The following SOS1 variants were observed in gnomAD, a reference collection of about 807,000 sequenced individuals.
The protein encoded by SOS1 is SOS Ras/Rac guanine nucleotide exchange factor 1.
Under a neutral mutation model 157.6 loss-of-function variants are expected in SOS1, and 25 were observed. That is an observed-to-expected ratio of 0.16 (90% CI 0.12 to 0.22). SOS1 has a LOEUF of 0.22. SOS1 is among the 10% of genes least tolerant of loss of function. The pLI is 1.00. For missense variants in SOS1, 1,237 were observed against 1,599.1 expected (o/e 0.77, Z 3.86); for synonymous variants, 528 against 534.0 (o/e 0.99, Z 0.16).
At chr2:39,062,364 G>C (rs1044334056) in intron 2 of SOS1, among the ~76,000 whole-genome samples, 2 of 149,560 alleles carry the variant, frequency 1.3e-5, no homozygotes, top group Non-Finnish European at 3.0e-5. Context: ...GTTGCAGTGA[G>C]CTGAGATCAC....
intron 13 of SOS1, among the ~76,000 whole-genome samples, chr2:39,013,005 A>G (rs1423455178): frequency 6.6e-6 from 1 of 152,164 alleles, no homozygotes; most frequent in African/African-American, 2.4e-5. Context: ...TATTGATAAG[A>G]AAACTGAAGT....
intron 6 of SOS1, 121 bp downstream of exon 6, chr2:39,051,023 A>C (rs1390394345): frequency 1.1e-6 from 1 of 906,440 alleles, no homozygotes; most frequent in Non-Finnish European, 1.8e-6. Flanking sequence ...AAGGAGCAAT[A>C]ACAGATAAAT....
intron 17 of SOS1, among the ~76,000 whole-genome samples, chr2:39,002,224 G>A (rs1669126103): frequency 2.9e-5 from 2 of 68,818 alleles, no homozygotes; most frequent in Middle Eastern, 6.0e-3. Context: ...TACTTGGGAG[G>A]CTGAGGCAGG....
chr2:39,054,099 T>C (rs971529440), intron 5 of SOS1, among the ~76,000 whole-genome samples: 1 of 152,118 alleles, frequency 6.6e-6, no homozygotes, highest in Admixed American at 6.5e-5. Context: ...GGCTAATTTT[T>C]TGTATTTTTA....
chr2:38,988,093 G>A lies in SOS1; in HGVS notation c.3392-502C>T, dbSNP rs143230565. 3.2e-4 allele frequency among the ~76,000 whole-genome samples: 48 copies of A among 152,250 alleles called. 1 individual carries two copies. In the East Asian group the frequency reaches 9.3e-3, roughly 29 times the overall value. ...AGCATTTCTCTCAAAGGATGCAAGG[G>A]AAAGAATCATAGTGTCTAGGTGAGG... On this transcript the variant is annotated intron_variant, in intron 21 of 22. Coordinates refer to ENST00000402219, the MANE Select transcript of SOS1 (RefSeq NM_005633.4).
At chr2:39,030,634 G>T (rs1161326156) in intron 8 of SOS1, among the ~76,000 whole-genome samples, 2 of 152,114 alleles carry the variant, frequency 1.3e-5, no homozygotes, top group Non-Finnish European at 2.9e-5. Flanking sequence ...CAGTGTATAT[G>T]CTGGAGAATC....
chr2:39,073,114 G>C (rs910182274), intron 1 of SOS1, among the ~76,000 whole-genome samples: 2 of 152,082 alleles, frequency 1.3e-5, no homozygotes, highest in African/African-American at 4.8e-5. Context: ...CATCATAAAT[G>C]GTACTCAGAG....
At position 39,012,491 on chromosome 2, in the gene SOS1, G is replaced by A. The variant is rs555173505; in HGVS notation, c.2168-143C>T. On this transcript the variant is annotated intron_variant, in intron 13 of 22. Transcript: ENST00000402219. ...CAAATGATCAAAATGAAAAATGCAA[G>A]TTCTCCTTTTCCATTTCCCGGTCCC... The A allele has an allele frequency of 4.0e-5, 14 of 350,390 alleles. No homozygotes were observed. The East Asian group carries it at 4.2e-4, about 10-fold the overall frequency. 21.7% of individuals were successfully genotyped at this position (350,390 alleles called of 1,614,324 possible).
chr2:39,087,374 T>C (rs1672417703), intron 1 of SOS1, among the ~76,000 whole-genome samples: 1 of 152,238 alleles, frequency 6.6e-6, no homozygotes, highest in Non-Finnish European at 1.5e-5. Flanking sequence ...ATAACAGCCA[T>C]GTTTACATAA....
At chr2:39,078,545 G>A (rs1163746717) in intron 1 of SOS1, among the ~76,000 whole-genome samples, 1 of 151,930 alleles carries the variant, frequency 6.6e-6, no homozygotes, top group Non-Finnish European at 1.5e-5. Flanking sequence ...GCCTACCGGG[G>A]AGCATTACCA....
intron 6 of SOS1, among the ~76,000 whole-genome samples, chr2:39,045,273 A>AGTGT (rs60673777): frequency 0.033 from 3,587 of 108,050 alleles, 109 homozygotes; most frequent in African/African-American, 0.076. Context: ...AGAGAGAGAG[A>AGTGT]GTGTGTGTGT....
At position 39,039,085 on chromosome 2, in the gene SOS1, AGAG is replaced by A. The variant is rs1670463622; in HGVS notation, c.865-3588_865-3586del. Among the ~76,000 whole-genome samples the A allele has an allele frequency of 4.6e-5, 7 of 152,316 alleles. No homozygotes were observed. In the South Asian group the frequency reaches 1.4e-3, roughly 32 times the overall value. On this transcript the variant is annotated intron_variant, in intron 6 of 22. Coordinates refer to ENST00000402219, the MANE Select transcript of SOS1 (RefSeq NM_005633.4). ...AAAGATTATGACTCACTGAAGGCTG[AGAG>A]GATTATTAGCATTTTCTTAGCTGTA...
intron 19 of SOS1, 72 bp from the exon 20 acceptor site, chr2:38,995,459 T>C (rs1404943747): frequency 4.1e-6 from 5 of 1,231,844 alleles, no homozygotes; most frequent in Non-Finnish European, 4.8e-6. Flanking sequence ...TATATGTGCC[T>C]GGTAAAATTC....
intron 1 of SOS1, among the ~76,000 whole-genome samples, chr2:39,080,337 G>A (rs895627548): frequency 1.3e-5 from 2 of 152,036 alleles, no homozygotes; most frequent in Non-Finnish European, 2.9e-5. Context: ...GCGGTAATGC[G>A]AATGATGGTG....
chr2:39,098,606 T>C (rs983682234), intron 1 of SOS1, among the ~76,000 whole-genome samples: 1 of 152,200 alleles, frequency 6.6e-6, no homozygotes, highest in Non-Finnish European at 1.5e-5. Flanking sequence ...TATAAAAAAT[T>C]TGGCCGGGTG....
intron 11 of SOS1, among the ~76,000 whole-genome samples, chr2:39,014,297 G>T (rs536272144): frequency 5.3e-5 from 8 of 151,994 alleles, no homozygotes; most frequent in Admixed American, 5.3e-4. Flanking sequence ...TTCATTTTTG[G>T]TCTGTGGAAT....
chr2:39,044,234 C>G (rs777786314), intron 6 of SOS1, among the ~76,000 whole-genome samples: 119 of 152,278 alleles, frequency 7.8e-4, no homozygotes, highest in Non-Finnish European at 1.6e-3. Flanking sequence ...GCACAGTAAT[C>G]TCAACTACTG....
At chr2:39,045,273 A>AGAGTGTGT (rs138343013) in intron 6 of SOS1, among the ~76,000 whole-genome samples, 15,354 of 108,162 alleles carry the variant, frequency 0.14, 1,312 homozygotes, top group Non-Finnish European at 0.18. Flanking sequence ...AGAGAGAGAG[A>AGAGTGTGT]GTGTGTGTGT....
At chr2:39,004,262 A>C (rs770912736) in intron 17 of SOS1, among the ~76,000 whole-genome samples, 2 of 151,912 alleles carry the variant, frequency 1.3e-5, no homozygotes, top group Non-Finnish European at 2.9e-5. Context: ...AAAAATACAA[A>C]AAAGAAATTA....
Sources: allele counts gnomAD v4.1 joint callset (sites outside exome capture counted in the v4.1 genomes callset), GRCh38; gene constraint gnomAD v4.1.1; transcripts MANE v1.5; gene names NCBI Gene and HGNC (gene_info 2026-07-23, HGNC 2026-07-21).